Variants in LARP1B observed in about 807,000 individuals in gnomAD.
LARP1B encodes the protein La ribonucleoprotein 1B, also known as la-related protein 1B.
Under a neutral mutation model 114.2 loss-of-function variants are expected in LARP1B, and 76 were observed. That is an observed-to-expected ratio of 0.67 (90% CI 0.55 to 0.81). LARP1B has a LOEUF of 0.81. Ranked by LOEUF, LARP1B falls within the 30% of genes least tolerant of loss-of-function variation. The pLI, the probability that LARP1B is intolerant of heterozygous loss-of-function variation, is 0.00. For synonymous variants in LARP1B, 345 were observed against 348.0 expected (o/e 0.99, Z 0.10); for missense variants, 1,014 against 1,075.8 (o/e 0.94, Z 0.80).
chr4:128,149,809 G>A (rs1731894008), intron 11 of LARP1B, among the ~76,000 whole-genome samples: 1 of 152,174 alleles, frequency 6.6e-6, no homozygotes. Context: ...TAAAGAAAAG[G>A]AGAGGGAACA....
At chr4:128,209,444 A>G (rs1281207073) in intron 19 of LARP1B, among the ~76,000 whole-genome samples, 1 of 152,132 alleles carries the variant, frequency 6.6e-6, no homozygotes, top group Non-Finnish European at 1.5e-5. Flanking sequence ...AAAACAAGCA[A>G]ACAAAAAAAA....
intron 9 of LARP1B, chr4:128,107,602 A>AT: frequency 7.2e-7 from 1 of 1,384,620 alleles, no homozygotes; most frequent in Non-Finnish European, 9.4e-7. Context: ...ATAACTATAG[A>AT]TATGTATCGT....
chr4:128,189,826 C>G (rs1354856064), intron 15 of LARP1B, among the ~76,000 whole-genome samples: 1 of 152,188 alleles, frequency 6.6e-6, no homozygotes, highest in Non-Finnish European at 1.5e-5. Context: ...CTCTACACTT[C>G]AACTCCATCC....
chr4:128,135,859 A>G (rs915406287), intron 11 of LARP1B, among the ~76,000 whole-genome samples: 1 of 152,176 alleles, frequency 6.6e-6, no homozygotes, highest in Non-Finnish European at 1.5e-5. Flanking sequence ...CAGCAGTGTG[A>G]ATATATTTAA....
intron 8 of LARP1B, among the ~76,000 whole-genome samples, chr4:128,103,790 G>C (rs1007190732): frequency 4.6e-5 from 7 of 151,938 alleles, no homozygotes; most frequent in Non-Finnish European, 1.0e-4. Flanking sequence ...TGGAACTCCT[G>C]ACCTCAGGTG....
chr4:128,091,283 T>G, intron 6 of LARP1B, 64 bp from the exon 7 acceptor site: 1 of 1,518,020 alleles, frequency 6.6e-7, no homozygotes, highest in South Asian at 1.2e-5. Flanking sequence ...GTTCTTCACT[T>G]TATCCGTAGT....
intron 1 of LARP1B, chr4:128,062,130 A>G: frequency 1.0e-6 from 1 of 985,372 alleles, no homozygotes; most frequent in Non-Finnish European, 1.2e-6. Context: ...CTGCCGCCTA[A>G]GGGAAATCCC....
chr4:128,074,049 T>G (rs890468403), intron 1 of LARP1B, among the ~76,000 whole-genome samples: 1 of 152,068 alleles, frequency 6.6e-6, no homozygotes, highest in African/African-American at 2.4e-5. Context: ...CAAGCGATTC[T>G]CCTGCCTCAG....
intron 11 of LARP1B, among the ~76,000 whole-genome samples, chr4:128,146,316 T>C (rs1170717444): frequency 3.3e-5 from 5 of 152,176 alleles, no homozygotes; most frequent in Admixed American, 1.3e-4. Context: ...GAAGATGATT[T>C]TAAAAACAAT....
At chr4:128,165,120 T>C (rs944613579) in intron 12 of LARP1B, among the ~76,000 whole-genome samples, 1 of 151,884 alleles carries the variant, frequency 6.6e-6, no homozygotes, top group Non-Finnish European at 1.5e-5. Context: ...GGGGAATTAT[T>C]AATATAAAAA....
chr4:128,221,781 C>A (rs1760057909), intron 7 of LARP1B, among the ~76,000 whole-genome samples: 1 of 152,070 alleles, frequency 6.6e-6, no homozygotes, highest in Admixed American at 6.5e-5. Flanking sequence ...TCTGTGAGAG[C>A]CAAAATTTAG....
chr4:128,097,999 T>C (rs564437814), intron 7 of LARP1B, among the ~76,000 whole-genome samples, 187 bp from the exon 8 acceptor site: 91 of 152,358 alleles, frequency 6.0e-4, no homozygotes, highest in African/African-American at 2.1e-3. Flanking sequence ...AGAGAAATTA[T>C]TAATTCAGTA....
intron 4 of LARP1B, 139 bp downstream of exon 4, chr4:128,078,101 C>T (rs1185436201): frequency 7.2e-6 from 4 of 552,314 alleles, no homozygotes; most frequent in South Asian, 5.5e-5. Context: ...GCAGAGGTAA[C>T]TCATTTGCTT....
At chr4:128,100,552 G>C (rs193174419) in intron 8 of LARP1B, among the ~76,000 whole-genome samples, 2 of 151,964 alleles carry the variant, frequency 1.3e-5, no homozygotes, top group African/African-American at 2.4e-5. Flanking sequence ...GATTACAGGC[G>C]TGAGCCACCA....
intron 15 of LARP1B, among the ~76,000 whole-genome samples, chr4:128,199,234 T>A (rs966296027): frequency 1.3e-5 from 2 of 152,258 alleles, no homozygotes; most frequent in Admixed American, 1.3e-4. Flanking sequence ...ACCATGCTTT[T>A]TATCAGCTTC....
chr4:128,080,063 C>T (rs1362040910), intron 4 of LARP1B, among the ~76,000 whole-genome samples: 3 of 151,248 alleles, frequency 2.0e-5, no homozygotes, highest in Non-Finnish European at 4.4e-5. Context: ...CAGCTCACTG[C>T]AACCTCTGCC....
Position 128,210,178 on chromosome 4 carries a change from G to T in LARP1B, c.*125G>T. The T allele has an allele frequency of 6.7e-7, 1 of 1,486,922 alleles. No homozygotes were observed. The highest frequency in any genetic ancestry group is 8.9e-7 in the Non-Finnish European group (1 of 1,119,898). 92.1% of individuals were successfully genotyped at this position (1,486,922 alleles called of 1,614,324 possible). On this transcript the variant is annotated 3_prime_UTR_variant, in exon 20 of 20. Coordinates refer to ENST00000326639, the MANE Select transcript of LARP1B (RefSeq NM_018078.4). ...GTATTTATTTGGGGAAAATCTTCTG[G>T]TGTTTAATTGTGATAATAAGAAAGA...
At chr4:128,081,240 G>A (rs2149450958) in intron 4 of LARP1B, among the ~76,000 whole-genome samples, 1 of 151,764 alleles carries the variant, frequency 6.6e-6, no homozygotes, top group East Asian at 1.9e-4. Flanking sequence ...CACCATGCCT[G>A]GCTGATTTTT....
Position 128,210,149 on chromosome 4 carries a change from A to C in LARP1B, c.*96A>C, listed in dbSNP as rs764035289. 1 of 1,568,664 alleles carries C rather than the reference A, an allele frequency of 6.4e-7. No individual in the cohort carries two copies. Among genetic ancestry groups the C allele is most frequent in the South Asian group, 1.2e-5 (1 of 83,934 alleles). On this transcript the variant is annotated 3_prime_UTR_variant, in exon 20 of 20. Coordinates refer to ENST00000326639, the MANE Select transcript of LARP1B (RefSeq NM_018078.4). ...CTTTGTCCTTGAAGTCAACATTTAC[A>C]TCAGTATTTATTTGGGGAAAATCTT...
Sources: allele counts gnomAD v4.1 joint callset (sites outside exome capture counted in the v4.1 genomes callset), GRCh38; gene constraint gnomAD v4.1.1; transcripts MANE v1.5; gene names NCBI Gene and HGNC (gene_info 2026-07-23, HGNC 2026-07-21).